PHF1: variants seen among roughly 807,000 people sequenced by gnomAD.
The protein encoded by PHF1 is polycomb-like 1.
PHF1 carries 16 observed loss-of-function variants against 69.4 expected under a neutral mutation model. That is an observed-to-expected ratio of 0.23 (90% CI 0.16 to 0.35). PHF1 has a LOEUF of 0.35. Among genes scored for constraint, PHF1 ranks in the 10% least tolerant of loss-of-function variants. The pLI is 1.00. For synonymous variants in PHF1, 274 were observed against 275.0 expected (o/e 1.00, Z 0.04); for missense variants, 515 against 732.8 (o/e 0.70, Z 3.43).
chr6:33,415,503 G>T (rs1301185696), intron 13 of PHF1, 87 bp from the exon 14 acceptor site: 20 of 1,408,904 alleles, frequency 1.4e-5, no homozygotes, highest in Non-Finnish European at 1.9e-5. Context: ...GAGTCCCTTG[G>T]GGGTAGTGTT....
chr6:33,413,503 C>T lies in PHF1; in HGVS notation c.533C>T (p.Ala178Val). The T allele has an allele frequency of 5.0e-6, 8 of 1,614,188 alleles. No homozygotes were observed. Among genetic ancestry groups the T allele is most frequent in the East Asian group, 2.2e-5 (1 of 44,888 alleles). ...GGACTGAAGGGGCTGGACTGGGATGCTGGACATCTGAGCAACCGACAGCAG... is the reference window on the plus strand; with the variant it reads ...GGACTGAAGGGGCTGGACTGGGATGTTGGACATCTGAGCAACCGACAGCAG... ...PYGLKGLDWD[A>V]GHLSNRQQSY... Residue 178 changes from alanine (A) to valine (V), a missense_variant, in exon 6 of 15, where the codon GCT becomes GTT. Ala to Val is a moderately conservative substitution (Grantham distance 64). Around this residue, in one of 5 missense-constraint regions of PHF1, gnomAD observed 142 missense variants for 309.7 expected, o/e 0.46. Transcript: ENST00000374516.
chr6:33,414,782 G>C lies in PHF1; in HGVS notation c.1002G>C (p.Arg334=). 1 of 1,613,982 alleles carries C rather than the reference G, an allele frequency of 6.2e-7. No homozygotes were observed. Among genetic ancestry groups the C allele is most frequent in the Non-Finnish European group, 8.5e-7 (1 of 1,179,932 alleles). The change falls in exon 11 of 15, where the codon CGG becomes CGC. Residue 334 remains arginine (R), a synonymous_variant. Transcript: ENST00000374516. The surrounding 1 kb of genome is among the most constrained non-coding windows in gnomAD (Gnocchi z 5.0). The part of the protein sequence containing the change: ...KRKCLFGLHA[R]MPPPVEPPTG... ...AATGTTTGTTTGGTCTCCATGCTCG[G>C]ATGCCTCCCCCTGTGGAGCCCCCTA...
At chr6:33,413,975 G>A in intron 7 of PHF1, 66 bp from the exon 8 acceptor site, 1 of 1,600,754 alleles carries the variant, frequency 6.2e-7, no homozygotes, top group Non-Finnish European at 8.6e-7. Context: ...CCTTGCTTGT[G>A]AGTCTTCCAG....
At position 33,415,048 on chromosome 6, in the gene PHF1, G is replaced by A. The variant is rs963877602; in HGVS notation, c.1143G>A (p.Lys381=). 2 of 1,600,236 alleles carry A rather than the reference G, an allele frequency of 1.2e-6. No homozygotes were observed. Among genetic ancestry groups the A allele is most frequent in the Non-Finnish European group, 1.7e-6 (2 of 1,173,628 alleles). ...PEPEPLRRRQ[K]GKVEELGPPS... is the part of the protein sequence containing the mutation. ...CAGAGCCCCTGAGGAGGAGGCAGAA[G>A]GGGAAAGTGGAGGAGCTGGGGCCAC... The change falls in exon 12 of 15, where the codon AAG becomes AAA. Residue 381 remains lysine, a synonymous_variant. Transcript: ENST00000374516.
intron 13 of PHF1, 121 bp downstream of exon 13, chr6:33,415,450 G>A (rs2151112100): frequency 4.1e-6 from 5 of 1,229,242 alleles, no homozygotes; most frequent in South Asian, 1.3e-5. Flanking sequence ...GGCCTAGACC[G>A]ACTTCTAGAA....
rs1040479859 is a variant in PHF1, at chr6:33,412,173, A to AT, written c.-16-75_-16-74insT. 167 of 1,169,342 alleles carry AT rather than the reference A, an allele frequency of 1.4e-4. 1 individual carries two copies. Among genetic ancestry groups the AT allele is most frequent in the Non-Finnish European group, 1.8e-4 (150 of 827,974 alleles). The allele number at this position is 1,169,342 out of a possible 1,614,324, so 72.4% of individuals were successfully genotyped here. On this transcript the variant is annotated intron_variant, in intron 1 of 14. Coordinates refer to ENST00000374516, the MANE Select transcript of PHF1 (RefSeq NM_024165.3). The surrounding 1 kb of genome is among the most constrained non-coding windows in gnomAD (Gnocchi z 4.2). ...CAAAACTCCATCTCAGGAAAAAAAA[A>AT]AAAAAAAGAAAAAGAAAATGGGGAA...
chr6:33,413,681 GA>G (rs1776240903), intron 6 of PHF1, 54 bp from the exon 7 acceptor site: 2 of 1,601,156 alleles, frequency 1.2e-6, no homozygotes, highest in Non-Finnish European at 1.7e-6. Flanking sequence ...TAGGGTTTGG[GA>G]CAGTTATGGG....
At position 33,412,590 on chromosome 6, in the gene PHF1, G is replaced by A. The variant is rs113688166; in HGVS notation, c.241+1G>A. 6.2e-7 allele frequency: 1 copy of A among 1,614,144 alleles called. No individual in the cohort carries two copies. The highest frequency in any genetic ancestry group is 1.1e-5 in the South Asian group (1 of 91,084). ...GTTCTATGGAAAGACATTAGCCCTGGTAAGACTCTAGAGACCTGAGATTGC... is the reference window on the plus strand; with the variant it reads ...GTTCTATGGAAAGACATTAGCCCTGATAAGACTCTAGAGACCTGAGATTGC... On this transcript the variant is annotated splice_donor_variant, in intron 3 of 14. Transcript: ENST00000374516. LOFTEE classifies it high-confidence loss of function. The surrounding 1 kb of genome is among the most constrained non-coding windows in gnomAD (Gnocchi z 4.2).
rs1264801493 is a variant in PHF1, at chr6:33,412,754, C to T, written c.298C>T (p.Pro100Ser). 3 of 1,613,912 alleles carry T rather than the reference C, an allele frequency of 1.9e-6. No individual in the cohort carries two copies. The highest frequency in any genetic ancestry group is 2.5e-6 in the Non-Finnish European group (3 of 1,180,026). The change falls in exon 4 of 15, where the codon CCT becomes TCT. Residue 100 changes from proline (P) to serine (S), a missense_variant. Pro to Ser is a moderately conservative substitution (Grantham distance 74, BLOSUM62 -1). This residue lies in a region of PHF1 where 142 missense variants were observed against 309.7 expected (regional missense o/e 0.46). Coordinates refer to ENST00000374516, the MANE Select transcript of PHF1 (RefSeq NM_024165.3). The surrounding 1 kb of genome is among the most constrained non-coding windows in gnomAD (Gnocchi z 4.2). The stretch of plus-strand genomic sequence containing the variant: ...TGTCTGTCGCTCTGAGACTGTGGTC[C>T]CTGGGAACCGGCTGGTCAGCTGTGA... ...CCVCRSETVV[P>S]GNRLVSCEKC...
chr6:33,416,139 C>T lies in PHF1; in HGVS notation c.*41C>T, dbSNP rs755814526. On this transcript the variant is annotated 3_prime_UTR_variant, in exon 15 of 15. Transcript: ENST00000374516. ...CCAGCTCCCCATTCACACACACCGGCACTTTCATACCCTGACCTCTGACCT... is the reference window on the plus strand; with the variant it reads ...CCAGCTCCCCATTCACACACACCGGTACTTTCATACCCTGACCTCTGACCT... 3.4e-6 allele frequency: 5 copies of T among 1,486,114 alleles called. No individual in the cohort carries two copies. The Admixed American group carries it at 6.6e-5, about 20-fold the overall frequency. The allele number at this position is 1,486,114 out of a possible 1,614,324, so 92.1% of individuals were successfully genotyped here.
Position 33,415,136 on chromosome 6 carries a change from G to A in PHF1, c.1231G>A (p.Ala411Thr). 7 of 1,613,702 alleles carry A rather than the reference G, an allele frequency of 4.3e-6. No individual in the cohort carries two copies. The highest frequency in any genetic ancestry group is 5.9e-6 in the Non-Finnish European group (7 of 1,179,706). ...EQRERAHLQR[A>T]LQASVSPPSP... ...GAGGGAGCGGGCTCATCTGCAGAGG[G>A]CACTGCAGGTACTGGAGCAGGGGGA... Residue 411 changes from alanine (A) to threonine (T), a missense_variant, in exon 12 of 15, where the codon GCA becomes ACA. Physicochemically the swap from Ala to Thr is moderately conservative, Grantham distance 58 (BLOSUM62 0). Transcript: ENST00000374516.
intron 4 of PHF1, 184 bp from the exon 5 acceptor site, chr6:33,413,012 C>G: frequency 1.4e-6 from 1 of 698,570 alleles, no homozygotes; most frequent in Non-Finnish European, 2.5e-6. Flanking sequence ...CTTTTCTAAC[C>G]ATATGACCTC....
rs577558781 is a variant in PHF1 at position 33,413,941 on chromosome 6, C to T, written c.684-100C>T. 90 of 1,538,020 alleles carry T rather than the reference C, an allele frequency of 5.9e-5. No homozygotes were observed. The African/African-American group carries it at 1.0e-3, about 17-fold the overall frequency. On this transcript the variant is annotated intron_variant, in intron 7 of 14. Transcript: ENST00000374516. The stretch of plus-strand genomic sequence containing the variant: ...TCCAGTCTCTTCCCAACCTCTGCAG[C>T]GTTACCTCACCTGTTTGCCCCGTCC...
rs1246905087 is a variant in PHF1 at position 33,415,677 on chromosome 6, TTCTG to T, written c.1415+11_1415+14del. The T allele has an allele frequency of 2.5e-6, 4 of 1,612,666 alleles. No individual in the cohort carries two copies. The highest frequency in any genetic ancestry group is 2.7e-5 in the African/African-American group (2 of 74,842). On this transcript the variant is annotated splice_region_variant and intron_variant, in intron 14 of 14. Transcript: ENST00000374516. The stretch of plus-strand genomic sequence containing the variant: ...ACAGTGGACCCCCAGACAGGTGAGA[TTCTG>T]TCTTCTATTACCAGTGATGCTCTTC...
rs1562853884 is a variant in PHF1 at position 33,414,010 on chromosome 6, A to C, written c.684-31A>C. The C allele has an allele frequency of 4.3e-6, 7 of 1,612,938 alleles. No individual in the cohort carries two copies. Among genetic ancestry groups the C allele is most frequent in the Non-Finnish European group, 5.9e-6 (7 of 1,179,630 alleles). On this transcript the variant is annotated intron_variant, in intron 7 of 14. Coordinates refer to ENST00000374516, the MANE Select transcript of PHF1 (RefSeq NM_024165.3). The surrounding 1 kb of genome is among the most constrained non-coding windows in gnomAD (Gnocchi z 5.0). Reference sequence around the variant, plus strand: ...GGGGATGGCACAGTTTTCCTGTGTAAGTGTGTTTGCTCCCTCTTGCCCATG... The same window carrying C: ...GGGGATGGCACAGTTTTCCTGTGTACGTGTGTTTGCTCCCTCTTGCCCATG...
chr6:33,413,691 G>C (rs1272364420), intron 6 of PHF1, 45 bp from the exon 7 acceptor site: 1 of 1,603,698 alleles, frequency 6.2e-7, no homozygotes, highest in Non-Finnish European at 8.5e-7. Flanking sequence ...GACAGTTATG[G>C]GGAAGGGGGT....
intron 4 of PHF1, 133 bp from the exon 5 acceptor site, chr6:33,413,063 T>G (rs1562852139): frequency 1.1e-6 from 1 of 873,922 alleles, no homozygotes. Flanking sequence ...GTTCCCTGAC[T>G]TGTAAAATAA....
In PHF1 at chr6:33,414,924, G is replaced by C; in HGVS notation, c.1050-31G>C. ...GGGAGGTCTTGGGGGTGTCCGGGAG[G>C]GGGCTGGGGGGATAAGGAGGCCTCT... On this transcript the variant is annotated intron_variant, in intron 11 of 14. Coordinates refer to ENST00000374516, the MANE Select transcript of PHF1 (RefSeq NM_024165.3). This position sits in a 1 kb window ranked among gnomAD's most constrained non-coding sequence, Gnocchi z 5.0. 3 of 1,515,498 alleles carry C rather than the reference G, an allele frequency of 2.0e-6. No individual in the cohort carries two copies. Among genetic ancestry groups the C allele is most frequent in the Non-Finnish European group, 1.8e-6 (2 of 1,130,290 alleles). The allele number at this position is 1,515,498 out of a possible 1,614,324, so 93.9% of individuals were successfully genotyped here. A position where few individuals can be genotyped will look rare whatever the true frequency, so the allele number is the denominator to read the frequency against.
Position 33,414,945 on chromosome 6 carries a change from C to T in PHF1, c.1050-10C>T. 2 of 1,520,522 alleles carry T rather than the reference C, an allele frequency of 1.3e-6. No individual in the cohort carries two copies. The highest frequency in any genetic ancestry group is 1.3e-5 in the South Asian group (1 of 79,978). The allele number at this position is 1,520,522 out of a possible 1,614,324, so 94.2% of individuals were successfully genotyped here. A position where few individuals can be genotyped will look rare whatever the true frequency, so the allele number is the denominator to read the frequency against. On this transcript the variant is annotated splice_polypyrimidine_tract_variant and intron_variant, in intron 11 of 14. Transcript: ENST00000374516. This position sits in a 1 kb window ranked among gnomAD's most constrained non-coding sequence, Gnocchi z 5.0. ...GGAGGGGGCTGGGGGGATAAGGAGGCCTCTTACAGCTTCCCTTCAGGGCAG... is the reference window on the plus strand; with the variant it reads ...GGAGGGGGCTGGGGGGATAAGGAGGTCTCTTACAGCTTCCCTTCAGGGCAG...
Sources: allele counts gnomAD v4.1 joint callset, GRCh38; gene constraint gnomAD v4.1.1; regional missense constraint gnomAD v4.1.1; non-coding constraint Gnocchi (gnomAD v3.1); transcripts MANE v1.5; gene names NCBI Gene and HGNC (gene_info 2026-07-23, HGNC 2026-07-21).